UGT1A5: variants seen among roughly 807,000 people sequenced by gnomAD.
UGT1A5 encodes the protein UDP-glucuronosyltransferase 1A5.
A neutral mutation model predicts 40.3 loss-of-function variants in UGT1A5; 29 were observed. The observed-to-expected ratio is 0.72, with a 90% CI of 0.54 to 0.98. The LOEUF is 0.98. Among genes scored for constraint, UGT1A5 ranks in the 50% least tolerant of loss-of-function variants. The pLI, the probability that UGT1A5 is intolerant of heterozygous loss-of-function variation, is 0.00. For missense variants in UGT1A5, 678 were observed against 677.9 expected (o/e 1.00, Z 0.00); for synonymous variants, 257 against 262.5 (o/e 0.98, Z 0.20).
chr2:233,715,672 T>G (rs2076464299), intron 1 of UGT1A5, among the ~76,000 whole-genome samples: 1 of 152,104 alleles, frequency 6.6e-6, no homozygotes, highest in Non-Finnish European at 1.5e-5. Context: ...CTCGGGAGGC[T>G]GAGGCAGGAG....
rs1047777533 is a variant in UGT1A5 at position 233,760,225 on chromosome 2, G to T, written c.868-6809G>T. ...AAACATTAACTTGGTGTATCGATTG[G>T]TTTTTGCCATATATATATATATAAG... On this transcript the variant is annotated intron_variant, in intron 1 of 4. Coordinates refer to ENST00000373414, the MANE Select transcript of UGT1A5 (RefSeq NM_019078.2). 3.2e-6 allele frequency: 5 copies of T among 1,585,120 alleles called. No individual in the cohort carries two copies. The African/African-American group carries it at 4.5e-5, about 14-fold the overall frequency.
rs1575845163 is a variant in UGT1A5, at chr2:233,769,671, ATG to A, written c.1307+1241_1307+1242del. 2.5e-6 allele frequency: 4 copies of A among 1,588,796 alleles called. No homozygotes were observed. The highest frequency in any genetic ancestry group is 4.5e-5 in the East Asian group (2 of 44,092). On this transcript the variant is annotated intron_variant, in intron 4 of 4. Coordinates refer to ENST00000373414, the MANE Select transcript of UGT1A5 (RefSeq NM_019078.2). This position sits in a 1 kb window ranked among gnomAD's most constrained non-coding sequence, Gnocchi z 4.4. ...CTGACTTCCCACCTTTGAGGTGCTA[ATG>A]TGTGTGTGGTGGCACTGGATAAAAG...
chr2:233,744,104 G>T (rs1183907106), intron 1 of UGT1A5: 22 of 400,806 alleles, frequency 5.5e-5, no homozygotes, highest in Non-Finnish European at 4.5e-6. Context: ...TCTGGGACTG[G>T]CCCTGCTCTC....
intron 1 of UGT1A5, among the ~76,000 whole-genome samples, chr2:233,724,462 A>G (rs2077262271): frequency 8.2e-6 from 1 of 121,344 alleles, no homozygotes; most frequent in Admixed American, 8.0e-5. Flanking sequence ...TGCCGGGCGG[A>G]GGGGCTCCTC....
chr2:233,772,113 TA>T, intron 4 of UGT1A5, 148 bp from the exon 5 acceptor site: 2 of 1,529,488 alleles, frequency 1.3e-6, no homozygotes, highest in South Asian at 2.5e-5. Flanking sequence ...ACTCTGTATC[TA>T]AAAACAACAA....
intron 1 of UGT1A5, among the ~76,000 whole-genome samples, chr2:233,728,144 G>T (rs577177228): frequency 2.0e-5 from 3 of 152,328 alleles, no homozygotes; most frequent in South Asian, 4.2e-4. Flanking sequence ...CCCACAAATT[G>T]TGCAGCCCAT....
chr2:233,768,334 A>G lies in UGT1A5; in HGVS notation c.1202A>G (p.Asn401Ser). 6.2e-7 allele frequency: 1 copy of G among 1,614,208 alleles called. No homozygotes were observed. The highest frequency in any genetic ancestry group is 8.5e-7 in the Non-Finnish European group (1 of 1,180,040). Reference protein sequence around the residue: ...MMPLFGDQMDNAKRMETKGAG... With the variant: ...MMPLFGDQMDSAKRMETKGAG... ...CCCTTGTTTGGTGATCAGATGGACA[A>G]TGCAAAGCGCATGGAGACTAAGGGA... The change falls in exon 4 of 5, where the codon AAT becomes AGT. Residue 401 changes from asparagine (N) to serine (S), a missense_variant. Physicochemically the swap from Asn to Ser is conservative, Grantham distance 46. Transcript: ENST00000373414.
chr2:233,767,800 A>G (rs1049574519), intron 2 of UGT1A5, 49 bp from the exon 3 acceptor site: 1 of 1,614,072 alleles, frequency 6.2e-7, no homozygotes, highest in African/African-American at 1.3e-5. Context: ...TTTGTTTTCT[A>G]ATCATATTAT....
intron 1 of UGT1A5, among the ~76,000 whole-genome samples, chr2:233,715,756 A>G (rs1346820897): frequency 1.3e-5 from 2 of 152,236 alleles, no homozygotes; most frequent in East Asian, 1.9e-4. Context: ...TGAGTGACAG[A>G]GCGAGGACCC....
intron 1 of UGT1A5, chr2:233,718,939 C>A (rs149017068): frequency 2.6e-4 from 420 of 1,614,132 alleles, no homozygotes; most frequent in Non-Finnish European, 3.2e-4. Context: ...GATGGCAGCC[C>A]CTGGCTCAGC....
At chr2:233,740,871 A>C (rs1370147954) in intron 1 of UGT1A5, 1 of 151,850 alleles carries the variant, frequency 6.6e-6, no homozygotes, top group Non-Finnish European at 1.5e-5. Context: ...TCTTTAAATA[A>C]AATGCTCTTG....
intron 1 of UGT1A5, chr2:233,754,468 G>A: frequency 1.1e-5 from 4 of 357,086 alleles, no homozygotes; most frequent in Non-Finnish European, 1.7e-5. Context: ...TGTTCTGAAA[G>A]TAAAGTTCAC....
chr2:233,766,270 C>T (rs1699087800), intron 1 of UGT1A5, among the ~76,000 whole-genome samples: 1 of 67,854 alleles, frequency 1.5e-5, no homozygotes. Flanking sequence ...GGCCCGGGCT[C>T]GGTGGCCCGG....
In UGT1A5 at chr2:233,752,546, T is replaced by C. The variant is rs530394828; in HGVS notation, c.868-14488T>C. ...TAAAAATTCTTTAAATAAAATGCTC[T>C]TGCTGGGACAACATAGTGGGTCAAC... is the stretch of plus-strand genomic sequence containing the variant. On this transcript the variant is annotated intron_variant, in intron 1 of 4. Coordinates refer to ENST00000373414, the MANE Select transcript of UGT1A5 (RefSeq NM_019078.2). The C allele has an allele frequency of 2.0e-5, 3 of 152,346 alleles. No homozygotes were observed. The East Asian group carries it at 5.8e-4, about 29-fold the overall frequency. The allele number at this position is 152,346 out of a possible 1,614,324, so 9.4% of individuals were successfully genotyped here.
rs369139290 is a variant in UGT1A5, at chr2:233,718,874, C to T, written c.867+5016C>T. On this transcript the variant is annotated intron_variant, in intron 1 of 4. Transcript: ENST00000373414. The stretch of plus-strand genomic sequence containing the variant: ...CGCGGCTGGCCACAGGACTGCTGCT[C>T]CTCCTCAGTGTCCAGCCCTGGGCTG... 2.2e-4 allele frequency: 356 copies of T among 1,613,870 alleles called. 2 individuals carry two copies. The highest frequency in any genetic ancestry group is 7.5e-4 in the Admixed American group (45 of 60,022).
chr2:233,767,805 T>C lies in UGT1A5; in HGVS notation c.1000-44T>C, dbSNP rs774301079. On this transcript the variant is annotated intron_variant, in intron 2 of 4. Coordinates refer to ENST00000373414, the MANE Select transcript of UGT1A5 (RefSeq NM_019078.2). The stretch of plus-strand genomic sequence containing the variant: ...GTATAGCAGATTTGTTTTCTAATCA[T>C]ATTATGTTCTTTCTTTACGTTCTGC... 24 of 1,614,048 alleles carry C rather than the reference T, an allele frequency of 1.5e-5. No homozygotes were observed. In the South Asian group the frequency reaches 2.5e-4, roughly 17 times the overall value.
At chr2:233,761,893 A>G (rs1304507847) in intron 1 of UGT1A5, among the ~76,000 whole-genome samples, 1 of 152,212 alleles carries the variant, frequency 6.6e-6, no homozygotes, top group African/African-American at 2.4e-5. Context: ...CTTATCCTGC[A>G]AAGATTGGCT....
chr2:233,743,976 C>T (rs2125858385), intron 1 of UGT1A5: 2 of 1,312,500 alleles, frequency 1.5e-6, no homozygotes, highest in African/African-American at 1.5e-5. Context: ...GCTGCCAGCA[C>T]CCAGGCGCAG....
intron 4 of UGT1A5, chr2:233,771,400 G>A (rs1195716316): frequency 6.6e-6 from 1 of 152,152 alleles, no homozygotes; most frequent in Non-Finnish European, 1.5e-5. Flanking sequence ...ATTGGGCAAT[G>A]AACACTGTCC....
Sources: allele counts gnomAD v4.1 joint callset (sites outside exome capture counted in the v4.1 genomes callset), GRCh38; gene constraint gnomAD v4.1.1; non-coding constraint Gnocchi (gnomAD v3.1); transcripts MANE v1.5; gene names NCBI Gene and HGNC (gene_info 2026-07-23, HGNC 2026-07-21).